Variants in DUS2 observed in about 807,000 individuals in gnomAD.
The protein encoded by DUS2 is tRNA-dihydrouridine(20) synthase [NAD(P)+]-like.
A neutral mutation model predicts 71.3 loss-of-function variants in DUS2; 52 were observed. That is an observed-to-expected ratio of 0.73 (90% CI 0.58 to 0.92). DUS2 has a LOEUF of 0.92. DUS2 is among the 40% of genes least tolerant of loss of function. DUS2 has a pLI of 0.00. For missense variants in DUS2, 558 were observed against 622.6 expected, an observed-to-expected ratio of 0.90 and a Z score of 1.10; for synonymous variants, 204 against 227.8, an observed-to-expected ratio of 0.90 and a Z score of 0.94.
intron 2 of DUS2, among the ~76,000 whole-genome samples, chr16:68,029,383 T>A (rs1225653584): frequency 6.6e-6 from 1 of 152,150 alleles, no homozygotes; most frequent in Non-Finnish European, 1.5e-5. Context: ...GCTCAAATGA[T>A]CCTCTTGCCT....
intron 2 of DUS2, among the ~76,000 whole-genome samples, chr16:68,036,520 ATC>A (rs2033530660): frequency 6.6e-6 from 1 of 150,478 alleles, no homozygotes; most frequent in African/African-American, 2.5e-5. Context: ...AGTCAGGCTG[ATC>A]TGGAACTCCT....
intron 2 of DUS2, among the ~76,000 whole-genome samples, chr16:68,035,921 TATATATATACACACATACATACAC>T (rs1567470135): frequency 2.0e-5 from 2 of 97,872 alleles, no homozygotes; most frequent in African/African-American, 8.3e-5. Context: ...TATATATATA[TATATATATACACACATACATACAC>T]ATATATATAC....
At chr16:68,055,083 C>T (rs2033833197) in intron 6 of DUS2, among the ~76,000 whole-genome samples, 1 of 151,726 alleles carries the variant, frequency 6.6e-6, no homozygotes, top group Non-Finnish European at 1.5e-5. Flanking sequence ...TTGTGGCATC[C>T]AAGGGCTGGC....
At chr16:68,039,758 A>G (rs2033594504) in intron 3 of DUS2, among the ~76,000 whole-genome samples, 1 of 151,912 alleles carries the variant, frequency 6.6e-6, no homozygotes, top group African/African-American at 2.4e-5. Flanking sequence ...GGGAGGAAGG[A>G]AGGAAGGAGG....
intron 12 of DUS2, among the ~76,000 whole-genome samples, chr16:68,072,807 C>T (rs1025370642): frequency 2.0e-5 from 3 of 152,240 alleles, no homozygotes; most frequent in Non-Finnish European, 2.9e-5. Flanking sequence ...CTGGGTGTCC[C>T]AGGCAGTCAG....
chr16:68,075,607 G>T, intron 14 of DUS2, 103 bp downstream of exon 14: 2 of 1,206,798 alleles, frequency 1.7e-6, no homozygotes, highest in Non-Finnish European at 2.2e-6. Context: ...CAAACGTAGG[G>T]ACCACAGGTC....
intron 2 of DUS2, among the ~76,000 whole-genome samples, chr16:68,028,080 A>T (rs1456891587): frequency 6.6e-6 from 1 of 152,094 alleles, no homozygotes; most frequent in Non-Finnish European, 1.5e-5. Context: ...CCAGAAATGG[A>T]ACTATCATGT....
At position 68,035,911 on chromosome 16, in the gene DUS2, T is replaced by C. The variant is rs977265005; in HGVS notation, c.-18-2095T>C. Among the ~76,000 whole-genome samples the C allele has an allele frequency of 1.2e-4, 7 of 57,850 alleles. No individual in the cohort carries two copies. In the South Asian group the frequency reaches 1.8e-3, roughly 15 times the overall value. The allele number at this position is 57,850 out of a possible 152,430, so 38.0% of individuals were successfully genotyped here. ...ATATATATATATATATATATATATA[T>C]ATATATATATATATATATACACACA... is the stretch of plus-strand genomic sequence containing the variant. On this transcript the variant is annotated intron_variant, in intron 2 of 16. Coordinates refer to ENST00000565263, the MANE Select transcript of DUS2 (RefSeq NM_017803.5).
chr16:68,039,698 G>A (rs1318720930), intron 3 of DUS2, among the ~76,000 whole-genome samples: 1 of 152,008 alleles, frequency 6.6e-6, no homozygotes, highest in Non-Finnish European at 1.5e-5. Flanking sequence ...TGGGATTACA[G>A]GTGTGAGCCA....
At chr16:68,058,861 C>T (rs1188409497) in intron 7 of DUS2, among the ~76,000 whole-genome samples, 2 of 152,168 alleles carry the variant, frequency 1.3e-5, no homozygotes, top group East Asian at 3.9e-4. Context: ...CACACATGTA[C>T]ATACTAGCTG....
chr16:68,044,767 G>A (rs1475721505), intron 3 of DUS2, among the ~76,000 whole-genome samples: 1 of 151,434 alleles, frequency 6.6e-6, no homozygotes, highest in Non-Finnish European at 1.5e-5. Context: ...CTCTTTTTTT[G>A]AATTATTTCC....
chr16:68,078,429 T>C lies in DUS2; in HGVS notation c.1171-16T>C. ...TCATTTCTCTGGCCATGTGATTCCT[T>C]TTCTCTTTGTATCAGGTTCAACGCC... On this transcript the variant is annotated splice_polypyrimidine_tract_variant and intron_variant, in intron 15 of 16. Coordinates refer to ENST00000565263, the MANE Select transcript of DUS2 (RefSeq NM_017803.5). 1 of 1,613,660 alleles carries C rather than the reference T, an allele frequency of 6.2e-7. No individual in the cohort carries two copies. The highest frequency in any genetic ancestry group is 1.7e-5 in the Admixed American group (1 of 60,026).
intron 2 of DUS2, among the ~76,000 whole-genome samples, chr16:68,027,486 G>A (rs763874637): frequency 2.6e-5 from 4 of 152,010 alleles, no homozygotes; most frequent in Non-Finnish European, 2.9e-5. Context: ...TAGGTAATCC[G>A]CCTGCCTTGG....
Position 68,038,039 on chromosome 16 carries a change from C to T in DUS2, c.16C>T (p.Leu6Phe), listed in dbSNP as rs187875252. ...AGAGGAGGAAATGATTTTGAATAGCCTCTCTCTGTGTTACCATAATAAGCT... is the reference window on the plus strand; with the variant it reads ...AGAGGAGGAAATGATTTTGAATAGCTTCTCTCTGTGTTACCATAATAAGCT... Reference protein sequence around the residue: MILNSLSLCYHNKLIL... With the variant: MILNSFSLCYHNKLIL... The change falls in exon 3 of 17, where the codon CTC becomes TTC. Residue 6 changes from leucine (L) to phenylalanine (F), a missense_variant. By Grantham distance (22) the Leu-to-Phe change is conservative. Coordinates refer to ENST00000565263, the MANE Select transcript of DUS2 (RefSeq NM_017803.5). The T allele has an allele frequency of 1.2e-6, 2 of 1,613,666 alleles. No homozygotes were observed. Among genetic ancestry groups the T allele is most frequent in the African/African-American group, 1.3e-5 (1 of 74,974 alleles).
chr16:68,045,529 C>T (rs1039235371), intron 3 of DUS2, among the ~76,000 whole-genome samples: 2 of 150,946 alleles, frequency 1.3e-5, no homozygotes, highest in South Asian at 4.2e-4. Flanking sequence ...GAGAATCGCT[C>T]GAACCCAGGA....
intron 14 of DUS2, among the ~76,000 whole-genome samples, chr16:68,076,259 T>G (rs897474051): frequency 6.6e-6 from 1 of 152,122 alleles, no homozygotes; most frequent in African/African-American, 2.4e-5. Flanking sequence ...CCCGAGACCA[T>G]TGTCTGGCTA....
intron 2 of DUS2, among the ~76,000 whole-genome samples, chr16:68,035,901 T>C (rs1301045931): frequency 2.7e-4 from 13 of 48,690 alleles, no homozygotes; most frequent in African/African-American, 7.0e-4. Flanking sequence ...TATATATATA[T>C]ATATATATAT....
intron 15 of DUS2, chr16:68,078,143 T>C: frequency 2.4e-6 from 1 of 409,504 alleles, no homozygotes; most frequent in East Asian, 4.8e-5. Context: ...TGGCATCTGG[T>C]GACTCCTCAT....
intron 4 of DUS2, among the ~76,000 whole-genome samples, chr16:68,051,557 AT>A (rs1176377730): frequency 6.6e-6 from 1 of 151,778 alleles, no homozygotes; most frequent in Non-Finnish European, 1.5e-5. Flanking sequence ...TGCCCAGCCA[AT>A]TTTTAAATTT....
Sources: allele counts gnomAD v4.1 joint callset (sites outside exome capture counted in the v4.1 genomes callset), GRCh38; gene constraint gnomAD v4.1.1; transcripts MANE v1.5; gene names NCBI Gene and HGNC (gene_info 2026-07-23, HGNC 2026-07-21).